SP6: variants seen among roughly 807,000 people sequenced by gnomAD.
SP6 encodes the protein Sp6 transcription factor, also known as transcription factor Sp6.
A neutral mutation model predicts 23.4 loss-of-function variants in SP6; 10 were observed. The observed-to-expected ratio is 0.43, with a 90% confidence interval of 0.26 to 0.72. SP6 has a LOEUF of 0.72. SP6 is among the 30% of genes least tolerant of loss of function. The pLI is 0.23. For missense variants in SP6, 482 were observed against 523.8 expected, an observed-to-expected ratio of 0.92 and a Z score of 0.78; for synonymous variants, 238 against 238.7, an observed-to-expected ratio of 1.00 and a Z score of 0.03.
chr17:47,847,311 A>T lies in SP6; in HGVS notation c.1119T>A (p.Ala373=). Residue 373 remains alanine (A), a synonymous_variant, in exon 2 of 2, where the codon GCT becomes GCA. Transcript: ENST00000536300. ...GGCACTGAGGAGCTCAGTTGGAGGGAGCCACGCTGCCCTCGGCCTCGCGTT... is the reference window on the plus strand; with the variant it reads ...GGCACTGAGGAGCTCAGTTGGAGGGTGCCACGCTGCCCTCGGCCTCGCGTT... The part of the protein sequence containing the change: ...KGKREAEGSV[A]PSN 19 of 1,552,676 alleles carry T rather than the reference A, an allele frequency of 1.2e-5. No homozygotes were observed. Among genetic ancestry groups the T allele is most frequent in the Non-Finnish European group, 1.6e-5 (18 of 1,148,288 alleles).
chr17:47,861,187 C>T, the SP6 span, among the ~76,000 whole-genome samples: 2 of 152,120 alleles, frequency 1.3e-5, no homozygotes, highest in Non-Finnish European at 2.9e-5. Flanking sequence ...TATCTGCTGC[C>T]GGTGGCTCAG....
Position 47,848,375 on chromosome 17 carries a change from C to A in SP6, c.55G>T (p.Ala19Ser). The A allele has an allele frequency of 6.4e-7, 1 of 1,568,556 alleles. No individual in the cohort carries two copies. Among genetic ancestry groups the A allele is most frequent in the Non-Finnish European group, 8.6e-7 (1 of 1,157,654 alleles). Residue 19 changes from alanine (A) to serine (S), a missense_variant, in exon 2 of 2, where the codon GCC (alanine) becomes TCC (serine). Ala to Ser is a moderately conservative substitution (Grantham distance 99). This residue lies in a region of SP6 where 330 missense variants were observed against 332.3 expected (regional missense o/e 0.99). Coordinates refer to ENST00000536300, the MANE Select transcript of SP6 (RefSeq NM_001258248.2). The surrounding 1 kb of genome is among the most constrained non-coding windows in gnomAD (Gnocchi z 5.3). ...LGSQHTEAPH[A>S]SPPRLDLQPL... is the part of the protein sequence containing the mutation. Reference sequence around the variant, plus strand: ...TGCAGGTCGAGGCGCGGCGGGGAGGCGTGCGGCGCTTCCGTGTGCTGGCTG... The same window carrying A: ...TGCAGGTCGAGGCGCGGCGGGGAGGAGTGCGGCGCTTCCGTGTGCTGGCTG...
chr17:47,854,951 C>T (rs2143661473), upstream of SP6, among the ~76,000 whole-genome samples: 1 of 152,280 alleles, frequency 6.6e-6, no homozygotes, highest in African/African-American at 2.4e-5. Flanking sequence ...CTTATTTCCC[C>T]TCCTCTCCCC....
chr17:47,872,249 C>T, the SP6 span, among the ~76,000 whole-genome samples: 1 of 152,192 alleles, frequency 6.6e-6, no homozygotes, highest in African/African-American at 2.4e-5. Context: ...GATCGGTTCT[C>T]GGGCAGAGGT....
chr17:47,861,593 C>T, the SP6 span, among the ~76,000 whole-genome samples: 1 of 152,096 alleles, frequency 6.6e-6, no homozygotes, highest in Admixed American at 6.5e-5. Context: ...ATTAGCCAGG[C>T]ATGGCGGTGC....
chr17:47,871,972 T>C, the SP6 span, among the ~76,000 whole-genome samples: 19,519 of 152,178 alleles, frequency 0.13, 1,716 homozygotes, highest in Non-Finnish European at 0.19. Context: ...ATCCCCTCTC[T>C]AGGTTTGATT....
In SP6 at chr17:47,848,326, T is replaced by A. The variant is rs1485811549; in HGVS notation, c.104A>T (p.His35Leu). The change falls in exon 2 of 2, where the codon CAC (histidine) becomes CTC (leucine). Residue 35 changes from histidine (H) to leucine (L), a missense_variant. By Grantham distance (99) the His-to-Leu change is moderately conservative. Transcript: ENST00000536300. This position sits in a 1 kb window ranked among gnomAD's most constrained non-coding sequence, Gnocchi z 5.3. ...GTAGTCCCCGGCCTCAGGGCTCGTG[T>A]GGCCCTGGTAAGTTTGGAGAGGCTG... ...DLQPLQTYQGHTSPEAGDYPS... is the reference protein window; with the variant it reads ...DLQPLQTYQGLTSPEAGDYPS... The A allele has an allele frequency of 6.2e-7, 1 of 1,609,722 alleles. No individual in the cohort carries two copies. Among genetic ancestry groups the A allele is most frequent in the Non-Finnish European group, 8.5e-7 (1 of 1,178,322 alleles).
At chr17:47,849,277 A>C (rs147224106) in intron 1 of SP6, among the ~76,000 whole-genome samples, 4 of 152,276 alleles carry the variant, frequency 2.6e-5, no homozygotes, top group Non-Finnish European at 5.9e-5. Flanking sequence ...ACTGCTACCC[A>C]TCTTCCTCTC....
chr17:47,858,925 C>T (rs1458953331), upstream of SP6, among the ~76,000 whole-genome samples: 1 of 151,992 alleles, frequency 6.6e-6, no homozygotes, highest in Non-Finnish European at 1.5e-5. Context: ...CAGGCACCCA[C>T]CATCATGCCT....
the SP6 span, among the ~76,000 whole-genome samples, chr17:47,871,333 G>A: frequency 6.6e-6 from 1 of 152,188 alleles, no homozygotes; most frequent in Non-Finnish European, 1.5e-5. Context: ...CATAACTTAA[G>A]AGTCTTGGCT....
the SP6 span, among the ~76,000 whole-genome samples, chr17:47,875,970 T>A: frequency 1.3e-5 from 2 of 152,190 alleles, no homozygotes; most frequent in African/African-American, 4.8e-5. Context: ...TCCTGTGGAC[T>A]CTGAGAAGAA....
At chr17:47,862,046 GAA>G in the SP6 span, among the ~76,000 whole-genome samples, 55 of 122,680 alleles carry the variant, frequency 4.5e-4, no homozygotes, top group South Asian at 1.1e-3. Context: ...CCCTGTCTCA[GAA>G]AAAAAAAAAA....
upstream of SP6, chr17:47,851,198 C>G (rs1163308529): frequency 2.0e-5 from 3 of 152,468 alleles, no homozygotes; most frequent in Admixed American, 1.3e-4. Flanking sequence ...CTTTTTCCCC[C>G]GGACTCGCGG....
At chr17:47,860,792 A>C (rs2034030681), upstream of SP6, among the ~76,000 whole-genome samples, 1 of 152,156 alleles carries the variant, frequency 6.6e-6, no homozygotes, top group Non-Finnish European at 1.5e-5. Flanking sequence ...CATGGCCTTC[A>C]AGACACTGCA....
the SP6 span, among the ~76,000 whole-genome samples, chr17:47,874,629 A>G: frequency 6.6e-6 from 1 of 152,170 alleles, no homozygotes; most frequent in Non-Finnish European, 1.5e-5. Context: ...GGTTCTCTCC[A>G]TCTAGGAAGG....
chr17:47,854,655 C>T (rs1334518527), upstream of SP6, among the ~76,000 whole-genome samples: 3 of 152,220 alleles, frequency 2.0e-5, no homozygotes, highest in Admixed American at 2.0e-4. Context: ...TCAGACTCTA[C>T]ACTTGTGATC....
chr17:47,872,665 C>T, the SP6 span, among the ~76,000 whole-genome samples: 6 of 152,228 alleles, frequency 3.9e-5, no homozygotes, highest in African/African-American at 1.4e-4. Flanking sequence ...CGGCCCACTG[C>T]AGCTGAGCAC....
chr17:47,875,151 A>G, the SP6 span, among the ~76,000 whole-genome samples: 1 of 150,798 alleles, frequency 6.6e-6, no homozygotes, highest in African/African-American at 2.4e-5. Flanking sequence ...GCTTCTTACC[A>G]CCCTCATCCC....
upstream of SP6, among the ~76,000 whole-genome samples, chr17:47,852,597 C>T (rs968301707): frequency 1.3e-5 from 2 of 152,166 alleles, no homozygotes; most frequent in African/African-American, 2.4e-5. Flanking sequence ...TACTCCCCCC[C>T]GCCATTGGTT....
Sources: allele counts gnomAD v4.1 joint callset (sites outside exome capture counted in the v4.1 genomes callset), GRCh38; gene constraint gnomAD v4.1.1; regional missense constraint gnomAD v4.1.1; non-coding constraint Gnocchi (gnomAD v3.1); transcripts MANE v1.5; gene names NCBI Gene and HGNC (gene_info 2026-07-23, HGNC 2026-07-21).